PDPR: variants seen among roughly 807,000 people sequenced by gnomAD.
PDPR encodes the protein pyruvate dehydrogenase phosphatase regulatory subunit, mitochondrial.
A neutral mutation model predicts 102.2 loss-of-function variants in PDPR; 50 were observed. The observed-to-expected ratio is 0.49, with a 90% CI of 0.39 to 0.62. The LOEUF is 0.62. PDPR is among the 20% of genes least tolerant of loss of function. The probability of loss-of-function intolerance (pLI) is 0.00; values close to 1 mark genes in which losing one functional copy is unlikely to be tolerated. For missense variants in PDPR, 625 were observed against 1,098.2 expected, an observed-to-expected ratio of 0.57 and a Z score of 6.09; for synonymous variants, 259 against 406.0, an observed-to-expected ratio of 0.64 and a Z score of 4.35.
chr16:70,163,266 G>GTT (rs67708146), downstream of PDPR, among the ~76,000 whole-genome samples: 7,351 of 148,624 alleles, frequency 0.049, 27 homozygotes, highest in African/African-American at 0.055. Flanking sequence ...TTTTTGAGTA[G>GTT]TTTTTTTTTT....
Position 70,148,343 on chromosome 16 carries a change from T to C in PDPR, c.1963-121T>C, listed in dbSNP as rs1966406781. 2.7e-5 allele frequency: 22 copies of C among 818,026 alleles called. No homozygotes were observed. The South Asian group carries it at 2.9e-4, about 11-fold the overall frequency. The allele number at this position is 818,026 out of a possible 1,614,324, so 50.7% of individuals were successfully genotyped here. On this transcript the variant is annotated intron_variant, in intron 16 of 18. Coordinates refer to ENST00000288050, the MANE Select transcript of PDPR (RefSeq NM_017990.5). ...CACTTTCGGGATGAAATTCTTGCCT[T>C]GACGTCTGTCTCCCTCAACAGTAAA...
At chr16:70,124,091 A>T (rs534806830) in intron 3 of PDPR, among the ~76,000 whole-genome samples, 1 of 148,500 alleles carries the variant, frequency 6.7e-6, no homozygotes, top group East Asian at 2.0e-4. Context: ...GGCCAAGTGC[A>T]GTGGCTCATG....
intron 3 of PDPR, among the ~76,000 whole-genome samples, chr16:70,125,033 G>C (rs1963779128): frequency 6.6e-6 from 1 of 152,162 alleles, no homozygotes; most frequent in Non-Finnish European, 1.5e-5. Flanking sequence ...TCAATGTAAA[G>C]TTTATGTACT....
chr16:70,157,170 C>T lies in PDPR; in HGVS notation c.*291C>T, dbSNP rs1254184337. ...ATGTCTGACAGGACAGAAGCAAGCT[C>T]CACTGTGGACATGAGTGATGGTGAC... On this transcript the variant is annotated 3_prime_UTR_variant, in exon 19 of 19. Coordinates refer to ENST00000288050, the MANE Select transcript of PDPR (RefSeq NM_017990.5). The T allele has an allele frequency of 1.6e-6, 1 of 630,104 alleles. No homozygotes were observed. Among genetic ancestry groups the T allele is most frequent in the Non-Finnish European group, 2.9e-6 (1 of 341,798 alleles). 39.0% of individuals were successfully genotyped at this position (630,104 alleles called of 1,614,324 possible).
At chr16:70,125,100 G>C (rs1340585087) in intron 3 of PDPR, among the ~76,000 whole-genome samples, 2 of 152,174 alleles carry the variant, frequency 1.3e-5, no homozygotes, top group African/African-American at 2.4e-5. Context: ...AAAGAAGCTG[G>C]GTGCAGTGGC....
chr16:70,134,785 CAAAAA>C (rs373669213), intron 9 of PDPR, among the ~76,000 whole-genome samples: 2 of 137,104 alleles, frequency 1.5e-5, no homozygotes. Context: ...GACTCCATCT[CAAAAA>C]AAAAAAAAAT....
In PDPR at chr16:70,120,480, G is replaced by A. The variant is rs1206076934; in HGVS notation, c.-13G>A. 1 of 1,610,084 alleles carries A rather than the reference G, an allele frequency of 6.2e-7. No individual in the cohort carries two copies. The highest frequency in any genetic ancestry group is 2.2e-5 in the East Asian group (1 of 44,850). The stretch of plus-strand genomic sequence containing the variant: ...GTCTAGTTTGAGTTCCTGAGATCTA[G>A]TTGGTGAGAGACATGATGTTCTACC... On this transcript the variant is annotated 5_prime_UTR_variant, in exon 3 of 19. Transcript: ENST00000288050.
chr16:70,126,238 G>A lies in PDPR; in HGVS notation c.228-1022G>A, dbSNP rs1436769194. On this transcript the variant is annotated intron_variant, in intron 3 of 18. Coordinates refer to ENST00000288050, the MANE Select transcript of PDPR (RefSeq NM_017990.5). ...AATTTTATTTTATTTTAGAGATGGG[G>A]TCTTGCTCTATTGCTTAGTCTGAAG... 2.0e-4 allele frequency among the ~76,000 whole-genome samples: 31 copies of A among 152,362 alleles called. 1 individual carries two copies. The highest frequency in any genetic ancestry group is 1.1e-3 in the Admixed American group (17 of 15,300).
chr16:70,150,204 A>T (rs1311064905), intron 17 of PDPR, among the ~76,000 whole-genome samples: 1 of 145,850 alleles, frequency 6.9e-6, no homozygotes, highest in African/African-American at 2.6e-5. Context: ...CCCGGGTTCA[A>T]GTGATTCTCC....
intron 3 of PDPR, among the ~76,000 whole-genome samples, 167 bp from the exon 4 acceptor site, chr16:70,127,093 A>T (rs1964053300): frequency 6.6e-6 from 1 of 152,208 alleles, no homozygotes; most frequent in Non-Finnish European, 1.5e-5. Context: ...AGCAGTCCTC[A>T]GTCCTCCTAC....
chr16:70,147,754 C>G (rs1450829921), intron 16 of PDPR: 2 of 363,416 alleles, frequency 5.5e-6, no homozygotes, highest in South Asian at 2.1e-5. Flanking sequence ...CCTTCTTCTC[C>G]GAGGCAAAGT....
chr16:70,133,992 C>G (rs1436950614), intron 9 of PDPR, among the ~76,000 whole-genome samples: 3 of 152,232 alleles, frequency 2.0e-5, no homozygotes, highest in African/African-American at 7.2e-5. Flanking sequence ...CTTGGCCTCC[C>G]AAAGTGCTGG....
chr16:70,150,111 T>C (rs1966601553), intron 17 of PDPR, among the ~76,000 whole-genome samples: 1 of 148,804 alleles, frequency 6.7e-6, no homozygotes, highest in African/African-American at 2.5e-5. Flanking sequence ...TTTTTTTCTT[T>C]TTTTTTTTTG....
intron 4 of PDPR, among the ~76,000 whole-genome samples, chr16:70,128,246 A>G (rs1297784234): frequency 6.6e-6 from 1 of 152,008 alleles, no homozygotes; most frequent in African/African-American, 2.4e-5. Flanking sequence ...CTTTTTTTTA[A>G]AGACAAAGTC....
chr16:70,124,031 G>T (rs1161421104), intron 3 of PDPR, among the ~76,000 whole-genome samples: 4 of 151,760 alleles, frequency 2.6e-5, no homozygotes, highest in South Asian at 2.1e-4. Flanking sequence ...CCCCAGCCTG[G>T]GCGACAGAGC....
Position 70,143,491 on chromosome 16 carries a change from T to G in PDPR, c.1606-19T>G, listed in dbSNP as rs1276727174. 12 of 1,612,888 alleles carry G rather than the reference T, an allele frequency of 7.4e-6. No homozygotes were observed. In the Admixed American group the frequency reaches 8.4e-5, roughly 11 times the overall value. On this transcript the variant is annotated intron_variant, in intron 13 of 18. Coordinates refer to ENST00000288050, the MANE Select transcript of PDPR (RefSeq NM_017990.5). Reference sequence around the variant, plus strand: ...TGCTCTCACGCTCACTCTCTCTGTTTCATTCCCTAACCCTGCAGTCCACTG... The same window carrying G: ...TGCTCTCACGCTCACTCTCTCTGTTGCATTCCCTAACCCTGCAGTCCACTG...
At chr16:70,147,405 G>A (rs1404648422) in intron 16 of PDPR, 5 of 375,798 alleles carry the variant, frequency 1.3e-5, no homozygotes, top group African/African-American at 4.2e-5. Flanking sequence ...AATGCCTTTC[G>A]AAGTTAGGTC....
chr16:70,149,562 G>A (rs545008755), intron 17 of PDPR, among the ~76,000 whole-genome samples: 4 of 152,360 alleles, frequency 2.6e-5, no homozygotes, highest in African/African-American at 4.8e-5. Context: ...TACCATGCCC[G>A]GCCTCACTTC....
At position 70,114,393 on chromosome 16, in the gene PDPR, G is replaced by T. The variant is rs1475227406; in HGVS notation, c.-190G>T. ...AGGCAACTGTTGTGGCTGCCGCATT[G>T]CTCCCGCCGGGCTGTAGCTGAGCGC... is the stretch of plus-strand genomic sequence containing the variant. On this transcript the variant is annotated 5_prime_UTR_variant, in exon 1 of 19. Coordinates refer to ENST00000288050, the MANE Select transcript of PDPR (RefSeq NM_017990.5). 2 of 152,166 alleles carry T rather than the reference G, an allele frequency of 1.3e-5. No homozygotes were observed. Among genetic ancestry groups the T allele is most frequent in the Non-Finnish European group, 2.9e-5 (2 of 68,032 alleles). 9.4% of individuals were successfully genotyped at this position (152,166 alleles called of 1,614,324 possible).
Sources: gnomAD v4.1 joint callset for allele counts (sites outside exome capture counted in the v4.1 genomes callset) on GRCh38, gnomAD v4.1.1 for gene constraint, MANE v1.5 for transcripts, NCBI Gene and HGNC (gene_info 2026-07-23, HGNC 2026-07-21) for gene names.